Variants in GPR157 observed in about 807,000 individuals in gnomAD.
GPR157 encodes the protein G protein-coupled receptor 157.
A neutral mutation model predicts 23.5 loss-of-function variants in GPR157; 16 were observed. That is an observed-to-expected ratio of 0.68 (90% CI 0.46 to 1.04). The LOEUF is 1.04. GPR157 is among the 50% of genes least tolerant of loss of function. The pLI, the probability that GPR157 is intolerant of heterozygous loss-of-function variation, is 0.00. For synonymous variants in GPR157, 200 were observed against 221.5 expected, an observed-to-expected ratio of 0.90 and a Z score of 0.86; for missense variants, 440 against 460.7, an observed-to-expected ratio of 0.96 and a Z score of 0.41.
intron 1 of GPR157, among the ~76,000 whole-genome samples, chr1:9,125,034 T>C (rs1638935801): frequency 6.6e-6 from 1 of 152,040 alleles, no homozygotes; most frequent in African/African-American, 2.4e-5. Context: ...CAGCTTTCAC[T>C]ATCTTGTGTG....
chr1:9,107,129 C>T (rs544225046), intron 2 of GPR157, among the ~76,000 whole-genome samples: 5 of 152,140 alleles, frequency 3.3e-5, no homozygotes, highest in Non-Finnish European at 5.9e-5. Flanking sequence ...TGCTTATCAT[C>T]GTCCTCCCCT....
rs766203934 is a variant in GPR157 at position 9,105,711 on chromosome 1, T to G, written c.598-31A>C. The G allele has an allele frequency of 1.9e-6, 3 of 1,556,150 alleles. No individual in the cohort carries two copies. The highest frequency in any genetic ancestry group is 1.2e-5 in the South Asian group (1 of 82,728). On this transcript the variant is annotated intron_variant, in intron 2 of 3. Transcript: ENST00000377411. The surrounding 1 kb of genome is among the most constrained non-coding windows in gnomAD (Gnocchi z 4.8). ...TGGGGACAGCGAGGGCAGACTTGAG[T>G]GGATAGGCACCCTCCCGCCACGTCC... is the stretch of plus-strand genomic sequence containing the variant.
intron 1 of GPR157, among the ~76,000 whole-genome samples, chr1:9,115,119 C>T (rs932020770): frequency 2.6e-5 from 4 of 151,858 alleles, no homozygotes; most frequent in African/African-American, 4.8e-5. Context: ...TCCTGCAAAG[C>T]GGGCTGAGCC....
chr1:9,128,272 CT>C lies in GPR157; in HGVS notation c.383+372del, dbSNP rs1428287940. On this transcript the variant is annotated intron_variant, in intron 1 of 3. Coordinates refer to ENST00000377411, the MANE Select transcript of GPR157 (RefSeq NM_024980.5). The surrounding 1 kb of genome is among the most constrained non-coding windows in gnomAD (Gnocchi z 6.3). ...TCTCCAGCCCGGGACAGTTACCTAA[CT>C]CGTCTCCCAGCCTGTTTCCCCATGG... 9.7e-6 allele frequency: 5 copies of C among 515,138 alleles called. No individual in the cohort carries two copies. The highest frequency in any genetic ancestry group is 1.9e-5 in the Non-Finnish European group (5 of 265,834). The allele number at this position is 515,138 out of a possible 1,614,324, so 31.9% of individuals were successfully genotyped here. A position where few individuals can be genotyped will look rare whatever the true frequency, so the allele number is the denominator to read the frequency against.
intron 2 of GPR157, chr1:9,111,073 G>T: frequency 1.6e-6 from 1 of 632,010 alleles, no homozygotes; most frequent in Non-Finnish European, 2.9e-6. Context: ...TAACGGGGCA[G>T]TGGGAACCAA....
At chr1:9,115,321 T>A (rs995285599) in intron 1 of GPR157, among the ~76,000 whole-genome samples, 7 of 152,186 alleles carry the variant, frequency 4.6e-5, no homozygotes, top group African/African-American at 1.7e-4. Context: ...ACAATAATAA[T>A]ACTCCTTCTT....
intron 2 of GPR157, among the ~76,000 whole-genome samples, chr1:9,107,126 C>G (rs1638361619): frequency 6.6e-6 from 1 of 152,166 alleles, no homozygotes; most frequent in Admixed American, 6.5e-5. Flanking sequence ...TATTGCTTAT[C>G]ATCGTCCTCC....
At chr1:9,117,920 C>T (rs970099955) in intron 1 of GPR157, among the ~76,000 whole-genome samples, 1 of 152,192 alleles carries the variant, frequency 6.6e-6, no homozygotes, top group Non-Finnish European at 1.5e-5. Flanking sequence ...GGCTTAATAA[C>T]TGCACATATG....
intron 2 of GPR157, among the ~76,000 whole-genome samples, chr1:9,107,808 G>C (rs1638379213): frequency 6.6e-6 from 1 of 152,124 alleles, no homozygotes; most frequent in Non-Finnish European, 1.5e-5. Context: ...CACACCTGTG[G>C]TTCCAGCTAC....
chr1:9,128,317 A>T lies in GPR157; in HGVS notation c.383+328T>A, dbSNP rs1288742441. 2 of 588,658 alleles carry T rather than the reference A, an allele frequency of 3.4e-6. No individual in the cohort carries two copies. The highest frequency in any genetic ancestry group is 3.0e-5 in the South Asian group (2 of 65,738). The allele number at this position is 588,658 out of a possible 1,614,324, so 36.5% of individuals were successfully genotyped here. ...CCCATGGGCAGCAGAGACAGCCAGG[A>T]CACAGTGAAGCAGGTCACAAGGGGC... On this transcript the variant is annotated intron_variant, in intron 1 of 3. Coordinates refer to ENST00000377411, the MANE Select transcript of GPR157 (RefSeq NM_024980.5). This position sits in a 1 kb window ranked among gnomAD's most constrained non-coding sequence, Gnocchi z 6.3.
intron 1 of GPR157, among the ~76,000 whole-genome samples, chr1:9,127,984 C>T (rs998554569): frequency 6.6e-6 from 1 of 152,154 alleles, no homozygotes; most frequent in African/African-American, 2.4e-5. Flanking sequence ...CTCAGAGAGA[C>T]TCCAGGAGGA....
rs1389305702 is a variant in GPR157 at position 9,123,192 on chromosome 1, T to TATATATATATATATATAA, written c.383+5452_383+5453insTTATATATATATATATAT. Among the ~76,000 whole-genome samples the TATATATATATATATATAA allele has an allele frequency of 6.1e-4, 77 of 127,200 alleles. 1 individual carries two copies. Among genetic ancestry groups the TATATATATATATATATAA allele is most frequent in the African/African-American group, 2.3e-3 (75 of 32,708 alleles). The allele number at this position is 127,200 out of a possible 152,430, so 83.4% of individuals were successfully genotyped here. Reference sequence around the variant, plus strand: ...AAAAAAAAATATATATATATATATATAAATAAAATTTATATATATATTTAT... The same window carrying TATATATATATATATATAA: ...AAAAAAAAATATATATATATATATATATATATATATATATATAAAAATAAAATTTATATATATATTTAT... On this transcript the variant is annotated intron_variant, in intron 1 of 3. Coordinates refer to ENST00000377411, the MANE Select transcript of GPR157 (RefSeq NM_024980.5).
chr1:9,109,865 G>T (rs762083567), intron 2 of GPR157, among the ~76,000 whole-genome samples: 3 of 152,100 alleles, frequency 2.0e-5, no homozygotes, highest in Non-Finnish European at 4.4e-5. Flanking sequence ...GTGGAGGGTG[G>T]GGATTAGGTG....
rs1418502874 is a variant in GPR157, at chr1:9,105,001, G to GCC, written c.793-368_793-367insGG. ...GGTGACAAAGCCAGACTCTGTCCCC[G>GCC]CACCCCCCCCCAAAAAAGAGAAATG... On this transcript the variant is annotated intron_variant, in intron 3 of 3. Transcript: ENST00000377411. This position sits in a 1 kb window ranked among gnomAD's most constrained non-coding sequence, Gnocchi z 4.8. 6.1e-5 allele frequency among the ~76,000 whole-genome samples: 5 copies of GCC among 82,310 alleles called. No homozygotes were observed. The highest frequency in any genetic ancestry group is 1.4e-4 in the Admixed American group (1 of 7,114). The allele number at this position is 82,310 out of a possible 152,430, so 54.0% of individuals were successfully genotyped here.
chr1:9,123,774 TA>T (rs1397756079), intron 1 of GPR157, among the ~76,000 whole-genome samples: 1 of 130,806 alleles, frequency 7.6e-6, no homozygotes, highest in East Asian at 2.0e-4. Flanking sequence ...ATATATTTAA[TA>T]TTAAATATAT....
At position 9,128,519 on chromosome 1, in the gene GPR157, C is replaced by CGCCA. The variant is rs1372627562; in HGVS notation, c.383+122_383+125dup. On this transcript the variant is annotated intron_variant, in intron 1 of 3. Transcript: ENST00000377411. The surrounding 1 kb of genome is among the most constrained non-coding windows in gnomAD (Gnocchi z 6.3). ...CGCTGGCCCAGGACAGCCTCGGGGGCGCCAGCAGGCACTGCTTGCTGTGGG... is the reference window on the plus strand; with the variant it reads ...CGCTGGCCCAGGACAGCCTCGGGGGCGCCAGCCAGCAGGCACTGCTTGCTGTGGG... 1.1e-6 allele frequency: 1 copy of CGCCA among 894,156 alleles called. No individual in the cohort carries two copies. The highest frequency in any genetic ancestry group is 1.7e-5 in the African/African-American group (1 of 60,472). The allele number at this position is 894,156 out of a possible 1,614,324, so 55.4% of individuals were successfully genotyped here. A position where few individuals can be genotyped will look rare whatever the true frequency, so the allele number is the denominator to read the frequency against.
Position 9,111,295 on chromosome 1 carries a change from C to T in GPR157, c.578G>A (p.Arg193Gln), listed in dbSNP as rs773455071. 31 of 1,614,054 alleles carry T rather than the reference C, an allele frequency of 1.9e-5. No homozygotes were observed. Among genetic ancestry groups the T allele is most frequent in the East Asian group, 4.5e-5 (2 of 44,888 alleles). ...GCCTACCGCTCTGTTGATGTGCTTCCGGACCAGGAGGTACAGCAGAGGCAG... is the reference window on the plus strand; with the variant it reads ...GCCTACCGCTCTGTTGATGTGCTTCTGGACCAGGAGGTACAGCAGAGGCAG... ...VLLPLLYLLV[R>Q]KHINRAHTAL... The change falls in exon 2 of 4, where the codon CGG becomes CAG. Residue 193 changes from arginine (R) to glutamine (Q), a missense_variant. Arg to Gln is a conservative substitution (Grantham distance 43). Transcript: ENST00000377411.
chr1:9,128,141 C>A lies in GPR157; in HGVS notation c.383+504G>T. On this transcript the variant is annotated intron_variant, in intron 1 of 3. Coordinates refer to ENST00000377411, the MANE Select transcript of GPR157 (RefSeq NM_024980.5). This position sits in a 1 kb window ranked among gnomAD's most constrained non-coding sequence, Gnocchi z 6.3. ...CAAAGACAGAATAAAAAGCACAGTCCTTTGTAAACTGTACAGCAGAGACAC... is the reference window on the plus strand; with the variant it reads ...CAAAGACAGAATAAAAAGCACAGTCATTTGTAAACTGTACAGCAGAGACAC... 4 of 379,864 alleles carry A rather than the reference C, an allele frequency of 1.1e-5. No homozygotes were observed. The highest frequency in any genetic ancestry group is 7.7e-5 in the South Asian group (4 of 51,622). 23.5% of individuals were successfully genotyped at this position (379,864 alleles called of 1,614,324 possible). A position where few individuals can be genotyped will look rare whatever the true frequency, so the allele number is the denominator to read the frequency against.
chr1:9,127,653 G>A (rs902863516), intron 1 of GPR157, among the ~76,000 whole-genome samples: 1 of 152,220 alleles, frequency 6.6e-6, no homozygotes, highest in Non-Finnish European at 1.5e-5. Flanking sequence ...AAGGTCAAGC[G>A]ACTCTTACAG....
Sources: gnomAD v4.1 joint callset for allele counts (sites outside exome capture counted in the v4.1 genomes callset) on GRCh38, gnomAD v4.1.1 for gene constraint, Gnocchi (gnomAD v3.1) non-coding constraint, MANE v1.5 for transcripts, NCBI Gene and HGNC (gene_info 2026-07-23, HGNC 2026-07-21) for gene names.